The following NFE2L3 variants were observed in gnomAD, a reference collection of about 807,000 sequenced individuals.
The protein encoded by NFE2L3 is NFE2 like bZIP transcription factor 3.
A neutral mutation model predicts 23.5 loss-of-function variants in NFE2L3; 18 were observed. The observed-to-expected ratio is 0.77, with a 90% CI of 0.53 to 1.13. NFE2L3 has a LOEUF of 1.13. NFE2L3 is among the 50% of genes most tolerant of loss of function. The probability of loss-of-function intolerance (pLI) is 0.00; values close to 1 mark genes in which losing one functional copy is unlikely to be tolerated. For missense variants in NFE2L3, 1,152 were observed against 877.2 expected, an observed-to-expected ratio of 1.31 and a Z score of -3.96; for synonymous variants, 424 against 354.5, an observed-to-expected ratio of 1.20 and a Z score of -2.20.
At chr7:26,178,256 C>A in intron 2 of NFE2L3, 134 bp downstream of exon 2, 1 of 696,036 alleles carries the variant, frequency 1.4e-6, no homozygotes, top group Non-Finnish European at 2.4e-6. Context: ...ATGAAAATAC[C>A]TATGTCTTTA....
chr7:26,160,243 C>T (rs946248556), intron 1 of NFE2L3, among the ~76,000 whole-genome samples: 1 of 152,154 alleles, frequency 6.6e-6, no homozygotes, highest in African/African-American at 2.4e-5. Context: ...AGGTGTGAGC[C>T]ACCGCACCCG....
chr7:26,183,937 T>TTTGGAAAG, intron 3 of NFE2L3, 153 bp downstream of exon 3: 1 of 584,766 alleles, frequency 1.7e-6, no homozygotes, highest in Non-Finnish European at 3.1e-6. Flanking sequence ...CAAATATGTA[T>TTTGGAAAG]AGCATTCCTC....
chr7:26,183,919 GA>G (rs1214337533), intron 3 of NFE2L3, 135 bp downstream of exon 3: 1 of 633,460 alleles, frequency 1.6e-6, no homozygotes, highest in Admixed American at 2.7e-5. Context: ...CTTCAGCTTA[GA>G]ATTAACCAAA....
At chr7:26,183,904 A>C (rs1451406899) in intron 3 of NFE2L3, 120 bp downstream of exon 3, 2 of 684,396 alleles carry the variant, frequency 2.9e-6, no homozygotes, top group Admixed American at 2.4e-5. Context: ...ATTTTTACAG[A>C]AGCACTTCAG....
chr7:26,187,089 G>A lies in NFE2L3; in HGVS notation c.*1306G>A, dbSNP rs184771767. 9.9e-5 allele frequency: 15 copies of A among 152,258 alleles called. No individual in the cohort carries two copies. The highest frequency in any genetic ancestry group is 1.6e-4 in the Non-Finnish European group (11 of 68,016). The allele number at this position is 152,258 out of a possible 1,614,324, so 9.4% of individuals were successfully genotyped here. The stretch of plus-strand genomic sequence containing the variant: ...TAGAGAAATGCAGTTTATATATACC[G>A]TTGGATTTTTATAATAAAGTTTCCC... On this transcript the variant is annotated 3_prime_UTR_variant, in exon 4 of 4. Coordinates refer to ENST00000056233, the MANE Select transcript of NFE2L3 (RefSeq NM_004289.7).
chr7:26,183,599 C>T (rs1782388003), intron 2 of NFE2L3, 102 bp from the exon 3 acceptor site: 5 of 714,498 alleles, frequency 7.0e-6, no homozygotes, highest in African/African-American at 1.8e-5. Context: ...CATAAAAATC[C>T]AGTGTGGAAA....
Position 26,185,508 on chromosome 7 carries a change from T to C in NFE2L3, c.1810T>C (p.Leu604=). 6.2e-7 allele frequency: 1 copy of C among 1,613,922 alleles called. No homozygotes were observed. The highest frequency in any genetic ancestry group is 2.2e-5 in the East Asian group (1 of 44,882). ...TCGTAAACGCAAATTGGACATAATT[T>C]TGAATTTAGAAGATGATGTATGTAA... The part of the protein sequence containing the change: ...NCRKRKLDII[L]NLEDDVCNLQ... The change falls in exon 4 of 4, where the codon TTG becomes CTG. Residue 604 remains leucine (L), a synonymous_variant. Transcript: ENST00000056233.
chr7:26,167,134 GA>G (rs1784262167), intron 1 of NFE2L3, among the ~76,000 whole-genome samples: 1 of 152,176 alleles, frequency 6.6e-6, no homozygotes, highest in Non-Finnish European at 1.5e-5. Context: ...TACTGATTCA[GA>G]AAACCTTTGC....
chr7:26,167,158 T>C (rs945016008), intron 1 of NFE2L3, among the ~76,000 whole-genome samples: 13 of 152,218 alleles, frequency 8.5e-5, no homozygotes, highest in African/African-American at 2.9e-4. Flanking sequence ...AAGACTCTTC[T>C]GCTCTGCTTC....
chr7:26,185,989 CT>C lies in NFE2L3; in HGVS notation c.*210del. Reference sequence around the variant, plus strand: ...TGTGGGCAATCTGGGGGAGCCACAACTTTTCATGAAGTGCATTGTATACAAA... The same window carrying C: ...TGTGGGCAATCTGGGGGAGCCACAACTTTCATGAAGTGCATTGTATACAAA... On this transcript the variant is annotated 3_prime_UTR_variant, in exon 4 of 4. Coordinates refer to ENST00000056233, the MANE Select transcript of NFE2L3 (RefSeq NM_004289.7). 2.1e-6 allele frequency: 1 copy of C among 474,510 alleles called. No individual in the cohort carries two copies. The allele number at this position is 474,510 out of a possible 1,614,324, so 29.4% of individuals were successfully genotyped here.
intron 1 of NFE2L3, among the ~76,000 whole-genome samples, chr7:26,160,593 A>C (rs2237335): frequency 6.6e-6 from 1 of 152,086 alleles, no homozygotes; most frequent in Non-Finnish European, 1.5e-5. Context: ...CAGGAGCTGC[A>C]ATGCTACAGG....
chr7:26,179,335 CACAAAAATT>C (rs1185525034), intron 2 of NFE2L3, among the ~76,000 whole-genome samples: 1 of 151,960 alleles, frequency 6.6e-6, no homozygotes, highest in Non-Finnish European at 1.5e-5. Context: ...ACCCCATCTC[CACAAAAATT>C]ACAAAAATTA....
chr7:26,182,456 TCTA>T (rs1784534675), intron 2 of NFE2L3, among the ~76,000 whole-genome samples: 1 of 144,508 alleles, frequency 6.9e-6, no homozygotes, highest in South Asian at 2.1e-4. Context: ...AAACGCCAGC[TCTA>T]CTAAAAATAT....
intron 1 of NFE2L3, among the ~76,000 whole-genome samples, chr7:26,159,759 G>T (rs1470478511): frequency 6.6e-6 from 1 of 152,084 alleles, no homozygotes; most frequent in Admixed American, 6.6e-5. Context: ...TAATCAAGTG[G>T]TGAAACTTGG....
rs141847543 is a variant in NFE2L3, at chr7:26,185,149, A to G, written c.1451A>G (p.Asp484Gly). The G allele has an allele frequency of 2.5e-6, 4 of 1,613,856 alleles. No individual in the cohort carries two copies. Among genetic ancestry groups the G allele is most frequent in the Non-Finnish European group, 3.4e-6 (4 of 1,179,840 alleles). ...KLCHLDQSDS[D>G]FHGDLTFQHV... ...TGTCACTTGGATCAAAGTGATTCTG[A>G]TTTCCATGGAGATCTTACATTTCAA... Residue 484 changes from aspartate (D) to glycine (G), a missense_variant, in exon 4 of 4, where the codon GAT (aspartate) becomes GGT (glycine). Transcript: ENST00000056233.
At chr7:26,160,720 G>C (rs1040270797) in intron 1 of NFE2L3, among the ~76,000 whole-genome samples, 2 of 152,216 alleles carry the variant, frequency 1.3e-5, no homozygotes, top group Non-Finnish European at 2.9e-5. Flanking sequence ...CTTAAAGTCA[G>C]CTGGTTGATT....
intron 2 of NFE2L3, among the ~76,000 whole-genome samples, chr7:26,182,735 G>A (rs1782345707): frequency 6.6e-6 from 1 of 152,144 alleles, no homozygotes; most frequent in Non-Finnish European, 1.5e-5. Flanking sequence ...GGCCAGGAGT[G>A]AGATGAAGCA....
At position 26,152,809 on chromosome 7, in the gene NFE2L3, C is replaced by T; in HGVS notation, c.311C>T (p.Pro104Leu). ...EVRALGVPFVPRTSVDAWLVH... is the reference protein window; with the variant it reads ...EVRALGVPFVLRTSVDAWLVH... ...CGCGCGCTCGGGGTCCCCTTCGTCC[C>T]TCGCACCAGCGTGGATGCATGGCTG... Residue 104 changes from proline (P) to leucine (L), a missense_variant, in exon 1 of 4, where the codon CCT becomes CTT. Physicochemically the swap from Pro to Leu is moderately conservative, Grantham distance 98 (BLOSUM62 -3). Coordinates refer to ENST00000056233, the MANE Select transcript of NFE2L3 (RefSeq NM_004289.7). This position sits in a 1 kb window ranked among gnomAD's most constrained non-coding sequence, Gnocchi z 4.4. The T allele has an allele frequency of 6.7e-7, 1 of 1,488,036 alleles. No homozygotes were observed. The highest frequency in any genetic ancestry group is 8.9e-7 in the Non-Finnish European group (1 of 1,126,832). 92.2% of individuals were successfully genotyped at this position (1,488,036 alleles called of 1,614,324 possible).
At position 26,184,898 on chromosome 7, in the gene NFE2L3, AGAC is replaced by A; in HGVS notation, c.1201_1203del (p.Asp401del). The A allele has an allele frequency of 6.2e-7, 1 of 1,613,986 alleles. No homozygotes were observed. Among genetic ancestry groups the A allele is most frequent in the Non-Finnish European group, 8.5e-7 (1 of 1,179,858 alleles). The stretch of plus-strand genomic sequence containing the variant: ...TAAACTTAATGTCATTGGCCACAGA[AGAC>A]AACTTTGATCCAATCGATGTTTCTC... On this transcript the variant is annotated inframe_deletion, in exon 4 of 4. Transcript: ENST00000056233.
Sources: gnomAD v4.1 joint callset for allele counts (sites outside exome capture counted in the v4.1 genomes callset) on GRCh38, gnomAD v4.1.1 for gene constraint, Gnocchi (gnomAD v3.1) non-coding constraint, MANE v1.5 for transcripts, NCBI Gene and HGNC (gene_info 2026-07-23, HGNC 2026-07-21) for gene names.